Variants in KAZN observed in about 807,000 individuals in gnomAD.
KAZN encodes the protein kazrin.
In KAZN, 40 loss-of-function variants were observed where a neutral mutation model predicts 87.4. The observed-to-expected ratio is 0.46, with a 90% CI of 0.36 to 0.60. The LOEUF (loss-of-function observed/expected upper bound fraction) is 0.60. KAZN is among the 20% of genes least tolerant of loss of function. The pLI, the probability that KAZN is intolerant of heterozygous loss-of-function variation, is 0.00. For synonymous variants in KAZN, 466 were observed against 458.3 expected, an observed-to-expected ratio of 1.02 and a Z score of -0.22; for missense variants, 898 against 1,073.9, an observed-to-expected ratio of 0.84 and a Z score of 2.29.
At chr1:14,585,017 G>T (rs1675768192) in intron 2 of KAZN, among the ~76,000 whole-genome samples, 1 of 152,136 alleles carries the variant, frequency 6.6e-6, no homozygotes, top group Non-Finnish European at 1.5e-5. Context: ...AACACAACTG[G>T]TGTCCTTACA....
chr1:15,056,123 C>T lies in KAZN; in HGVS notation c.759C>T (p.Asp253=), dbSNP rs769157173. The T allele has an allele frequency of 6.2e-6, 10 of 1,613,582 alleles. No individual in the cohort carries two copies. The highest frequency in any genetic ancestry group is 4.5e-5 in the East Asian group (2 of 44,870). The change falls in exon 5 of 15, where the codon GAC becomes GAT. Residue 253 remains aspartate (D), a synonymous_variant. Transcript: ENST00000376030. This position sits in a 1 kb window ranked among gnomAD's most constrained non-coding sequence, Gnocchi z 5.4. ...AGTCCTTAGCTACGCTGACCAAGGA[C>T]GTCCCCAAGCGGCATTCCCTCGCCA... ...AKQSLATLTK[D]VPKRHSLAMP... is the part of the protein sequence containing the mutation.
chr1:14,116,013 G>C (rs966635979), intron 1 of KAZN, among the ~76,000 whole-genome samples: 1 of 152,176 alleles, frequency 6.6e-6, no homozygotes, highest in African/African-American at 2.4e-5. Flanking sequence ...AAATTTCTAA[G>C]TAGCAAAGTA....
At chr1:14,933,220 T>G (rs1660050909) in intron 1 of KAZN, among the ~76,000 whole-genome samples, 1 of 152,156 alleles carries the variant, frequency 6.6e-6, no homozygotes, top group African/African-American at 2.4e-5. Flanking sequence ...GCCTCCCAAG[T>G]AGCTGAGATT....
intron 1 of KAZN, among the ~76,000 whole-genome samples, chr1:14,098,762 G>A (rs1644184184): frequency 6.6e-6 from 1 of 152,174 alleles, no homozygotes; most frequent in African/African-American, 2.4e-5. Context: ...TTCCAACCCT[G>A]TGTGGCTGCC....
chr1:14,849,009 G>C (rs904992341), intron 1 of KAZN, among the ~76,000 whole-genome samples: 1 of 152,198 alleles, frequency 6.6e-6, no homozygotes, highest in Non-Finnish European at 1.5e-5. Flanking sequence ...ACTGGGAATT[G>C]AGGTTGGGGG....
At chr1:15,079,134 G>C (rs1023772392) in intron 8 of KAZN, among the ~76,000 whole-genome samples, 5 of 152,162 alleles carry the variant, frequency 3.3e-5, no homozygotes, top group African/African-American at 1.2e-4. Context: ...ATCTGGCTCA[G>C]TGGTGAGTTC....
chr1:14,274,621 G>T (rs932886176), intron 2 of KAZN, among the ~76,000 whole-genome samples: 6 of 152,144 alleles, frequency 3.9e-5, no homozygotes, highest in Admixed American at 2.0e-4. Flanking sequence ...CTGTGGACAA[G>T]GCTCTGAAAC....
intron 1 of KAZN, among the ~76,000 whole-genome samples, chr1:14,040,065 G>A (rs1166711866): frequency 6.7e-6 from 1 of 148,598 alleles, no homozygotes; most frequent in East Asian, 1.9e-4. Flanking sequence ...GTGTGTGCAC[G>A]TGTGTGTGTG....
At chr1:15,046,822 G>A (rs145272947) in intron 4 of KAZN, among the ~76,000 whole-genome samples, 105 of 152,322 alleles carry the variant, frequency 6.9e-4, no homozygotes, top group African/African-American at 9.4e-4. Context: ...CTGCTGCTGC[G>A]TGCAGCCCAG....
At chr1:14,530,666 A>AT (rs774457215) in intron 2 of KAZN, among the ~76,000 whole-genome samples, 18 of 152,008 alleles carry the variant, frequency 1.2e-4, no homozygotes, top group Admixed American at 6.6e-4. Flanking sequence ...AATGTGCCTG[A>AT]TCCCCCTTCA....
At chr1:14,277,367 T>C (rs143778319) in intron 2 of KAZN, among the ~76,000 whole-genome samples, 1 of 152,016 alleles carries the variant, frequency 6.6e-6, no homozygotes, top group East Asian at 1.9e-4. Flanking sequence ...CCTATACGAG[T>C]TAGAAACAAC....
At chr1:14,750,106 T>C (rs1192230671) in intron 1 of KAZN, among the ~76,000 whole-genome samples, 1 of 152,192 alleles carries the variant, frequency 6.6e-6, no homozygotes, top group Non-Finnish European at 1.5e-5. Context: ...TAATGTAAGA[T>C]GCGGCCATTG....
Position 14,828,487 on chromosome 1 carries a change from G to T in KAZN, c.227-132197G>T, listed in dbSNP as rs1356462061. On this transcript the variant is annotated intron_variant, in intron 1 of 14. Coordinates refer to ENST00000376030, the MANE Select transcript of KAZN (RefSeq NM_201628.3). The stretch of plus-strand genomic sequence containing the variant: ...AGATCCTTCCTGGCCTAAGAGGAGG[G>T]TGCATGAGCTCTGGGATTGATTCTC... Among the ~76,000 whole-genome samples the T allele has an allele frequency of 2.0e-5, 3 of 152,126 alleles. No individual in the cohort carries two copies. The East Asian group carries it at 5.8e-4, about 29-fold the overall frequency.
At chr1:14,523,604 G>A (rs1671698816) in intron 2 of KAZN, among the ~76,000 whole-genome samples, 2 of 152,342 alleles carry the variant, frequency 1.3e-5, no homozygotes, top group Admixed American at 6.5e-5. Flanking sequence ...GTGAATCCCA[G>A]CACTTCCTTC....
intron 1 of KAZN, among the ~76,000 whole-genome samples, chr1:14,834,335 CCCAAGTCA>C (rs144808112): frequency 0.075 from 11,033 of 147,602 alleles, 504 homozygotes; most frequent in Admixed American, 0.12. Flanking sequence ...TATGCCTGGC[CCCAAGTCA>C]CCAAGTCACT....
chr1:14,333,566 A>G (rs554157514), intron 2 of KAZN, among the ~76,000 whole-genome samples: 1 of 152,336 alleles, frequency 6.6e-6, no homozygotes, highest in Non-Finnish European at 1.5e-5. Context: ...AGGGAATTAA[A>G]CAGAGATCCC....
chr1:14,499,282 C>T (rs1260299078), intron 2 of KAZN, among the ~76,000 whole-genome samples: 5 of 152,144 alleles, frequency 3.3e-5, no homozygotes, highest in East Asian at 1.9e-4. Context: ...ATGCAGAGAC[C>T]GCTTCTACAA....
intron 2 of KAZN, among the ~76,000 whole-genome samples, chr1:14,298,875 A>G (rs1439913477): frequency 6.6e-6 from 1 of 152,102 alleles, no homozygotes; most frequent in Non-Finnish European, 1.5e-5. Context: ...CATTTTCCCT[A>G]CCTACACTAC....
intron 1 of KAZN, among the ~76,000 whole-genome samples, chr1:14,844,022 C>T (rs1319940451): frequency 6.6e-6 from 1 of 152,198 alleles, no homozygotes; most frequent in African/African-American, 2.4e-5. Context: ...ACGCCTCTCC[C>T]TCATCCTCAG....
Sources: allele counts gnomAD v4.1 joint callset (sites outside exome capture counted in the v4.1 genomes callset), GRCh38; gene constraint gnomAD v4.1.1; non-coding constraint Gnocchi (gnomAD v3.1); transcripts MANE v1.5; gene names NCBI Gene and HGNC (gene_info 2026-07-23, HGNC 2026-07-21).